PABPC3: variants seen among roughly 807,000 people sequenced by gnomAD.
The protein encoded by PABPC3 is polyadenylate-binding protein 3.
In PABPC3, 43 loss-of-function variants were observed where a neutral mutation model predicts 43.0. That is an observed-to-expected ratio of 1.00 (90% CI 0.78 to 1.29). The LOEUF is 1.29. PABPC3 is among the 50% of genes most tolerant of loss of function. The pLI is 0.00. For synonymous variants in PABPC3, 221 were observed against 274.6 expected, an observed-to-expected ratio of 0.80 and a Z score of 1.93; for missense variants, 784 against 798.1, an observed-to-expected ratio of 0.98 and a Z score of 0.21.
rs202007973 is a variant in PABPC3 at position 25,097,658 on chromosome 13, G to A, written c.1460G>A (p.Arg487His). ...ANTSTQTVGP[R>H]PAAAAAAAAT... Reference sequence around the variant, plus strand: ...ACATCAACACAGACAGTGGGTCCACGTCCTGCAGCTGCTGCTGCTGCTGCA... The same window carrying A: ...ACATCAACACAGACAGTGGGTCCACATCCTGCAGCTGCTGCTGCTGCTGCA... The change falls in exon 1 of 1, where the codon CGT (arginine) becomes CAT (histidine). Residue 487 changes from arginine (R) to histidine (H), a missense_variant. Transcript: ENST00000281589. 11 of 1,614,128 alleles carry A rather than the reference G, an allele frequency of 6.8e-6. No individual in the cohort carries two copies. Among genetic ancestry groups the A allele is most frequent in the Admixed American group, 1.7e-5 (1 of 60,024 alleles).
Position 25,096,306 on chromosome 13 carries a change from C to T in PABPC3, c.108C>T (p.Pro36=), listed in dbSNP as rs764988392. 6.2e-7 allele frequency: 1 copy of T among 1,614,152 alleles called. No homozygotes were observed. Among genetic ancestry groups the T allele is most frequent in the Non-Finnish European group, 8.5e-7 (1 of 1,180,062 alleles). Residue 36 remains proline (P), a synonymous_variant, in exon 1 of 1, where the codon CCC becomes CCT. Coordinates refer to ENST00000281589, the MANE Select transcript of PABPC3 (RefSeq NM_030979.3). ...MLYEKFSPAG[P]ILSIRICRDL... ...ACGAGAAGTTCAGCCCGGCAGGGCC[C>T]ATCCTCTCCATCCGGATCTGCAGGG...
Position 25,097,469 on chromosome 13 carries a change from G to A in PABPC3, c.1271G>A (p.Arg424Gln), listed in dbSNP as rs117378456. The change falls in exon 1 of 1, where the codon CGA becomes CAA. Residue 424 changes from arginine to glutamine, a missense_variant. Transcript: ENST00000281589. ...TACTATCCTCCTAGCCAAATTGCTCGACTAAGACCAAGTCCTCGCTGGACT... is the reference window on the plus strand; with the variant it reads ...TACTATCCTCCTAGCCAAATTGCTCAACTAAGACCAAGTCCTCGCTGGACT... Reference protein sequence around the residue: ...AAYYPPSQIARLRPSPRWTAQ... With the variant: ...AAYYPPSQIAQLRPSPRWTAQ... 6.0e-4 allele frequency: 794 copies of A among 1,324,976 alleles called. No individual in the cohort carries two copies. The highest frequency in any genetic ancestry group is 5.3e-3 in the African/African-American group (239 of 45,502). 82.1% of individuals were successfully genotyped at this position (1,324,976 alleles called of 1,614,324 possible).
At chr13:25,096,594 T>A in the PABPC3 span, 1 of 1,614,258 alleles carries the variant, frequency 6.2e-7, no homozygotes, top group Non-Finnish European at 8.5e-7. Flanking sequence ...ACGTGGTTTG[T>A]GATGAAAATG....
chr13:25,097,065 C>T lies in PABPC3; in HGVS notation c.867C>T (p.Thr289=), dbSNP rs1593653541. Reference sequence around the variant, plus strand: ...AACAGATGAAGCAAGATAGGATCACCAGATACCAGGTTGTTAATCTTTATG... The same window carrying T: ...AACAGATGAAGCAAGATAGGATCACTAGATACCAGGTTGTTAATCTTTATG... ...TFEQMKQDRI[T]RYQVVNLYVK... is the part of the protein sequence containing the mutation. The change falls in exon 1 of 1, where the codon ACC becomes ACT. Residue 289 remains threonine (T), a synonymous_variant. Coordinates refer to ENST00000281589, the MANE Select transcript of PABPC3 (RefSeq NM_030979.3). The T allele has an allele frequency of 1.2e-6, 2 of 1,614,268 alleles. No individual in the cohort carries two copies. The highest frequency in any genetic ancestry group is 1.7e-6 in the Non-Finnish European group (2 of 1,180,038).
rs554783078 is a variant in PABPC3 at position 25,096,809 on chromosome 13, A to T, written c.611A>T (p.Asp204Val). 1.9e-6 allele frequency: 3 copies of T among 1,614,296 alleles called. No homozygotes were observed. In the South Asian group the frequency reaches 3.3e-5, roughly 18 times the overall value. Residue 204 changes from aspartate to valine, a missense_variant, in exon 1 of 1, where the codon GAT becomes GTT. Asp to Val is a radical substitution (Grantham distance 152). Transcript: ENST00000281589. ...YIKNFGEDMDDERLKDLFGKF... is the reference protein window; with the variant it reads ...YIKNFGEDMDVERLKDLFGKF... ...AAGAATTTTGGAGAAGACATGGATG[A>T]TGAGCGCCTTAAGGATCTCTTTGGC... is the stretch of plus-strand genomic sequence containing the variant.
chr13:25,096,541 C>T lies in PABPC3; in HGVS notation c.343C>T (p.Leu115=), dbSNP rs1433205429. 3.7e-6 allele frequency: 6 copies of T among 1,614,118 alleles called. No homozygotes were observed. The East Asian group carries it at 1.1e-4, about 30-fold the overall frequency. The change falls in exon 1 of 1, where the codon CTG becomes TTG. Residue 115 remains leucine (L), a synonymous_variant. Coordinates refer to ENST00000281589, the MANE Select transcript of PABPC3 (RefSeq NM_030979.3). ...GGATAAGTCCATTAATAATAAAGCA[C>T]TGTATGATACAGTTTCTGCTTTTGG... The part of the protein sequence containing the change: ...NLDKSINNKA[L]YDTVSAFGNI...
Position 25,097,891 on chromosome 13 carries a change from A to G in PABPC3, c.1693A>G (p.Ile565Val), listed in dbSNP as rs770801115. ...QMLGERLFPL[I>V]QAMHPTLAGK... ...GTTAGGTGAACGGCTCTTTCCTCTT[A>G]TTCAAGCCATGCACCCTACTCTTGC... The change falls in exon 1 of 1, where the codon ATT becomes GTT. Residue 565 changes from isoleucine (I) to valine (V), a missense_variant. Physicochemically the swap from Ile to Val is conservative, Grantham distance 29. Coordinates refer to ENST00000281589, the MANE Select transcript of PABPC3 (RefSeq NM_030979.3). 1 of 1,613,960 alleles carries G rather than the reference A, an allele frequency of 6.2e-7. No homozygotes were observed. The highest frequency in any genetic ancestry group is 1.7e-5 in the Admixed American group (1 of 60,004).
Position 25,096,579 on chromosome 13 carries a change from G to T in PABPC3, c.381G>T (p.Ser127=). The T allele has an allele frequency of 6.6e-7, 1 of 1,521,454 alleles. No individual in the cohort carries two copies. The highest frequency in any genetic ancestry group is 8.9e-7 in the Non-Finnish European group (1 of 1,126,262). The allele number at this position is 1,521,454 out of a possible 1,614,324, so 94.2% of individuals were successfully genotyped here. A position where few individuals can be genotyped will look rare whatever the true frequency, so the allele number is the denominator to read the frequency against. The change falls in exon 1 of 1, where the codon TCG becomes TCT. Residue 127 remains serine, a synonymous_variant. Coordinates refer to ENST00000281589, the MANE Select transcript of PABPC3 (RefSeq NM_030979.3). ...DTVSAFGNIL[S]CNVVCDENGS... is the part of the protein sequence containing the mutation. ...TTTCTGCTTTTGGTAACATCCTTTC[G>T]TGTAACGTGGTTTGTGATGAAAATG...
Position 25,097,482 on chromosome 13 carries a change from T to C in PABPC3, c.1284T>C (p.Ser428=), listed in dbSNP as rs770425441. The change falls in exon 1 of 1, where the codon AGT becomes AGC. Residue 428 remains serine, a synonymous_variant. Coordinates refer to ENST00000281589, the MANE Select transcript of PABPC3 (RefSeq NM_030979.3). ...PPSQIARLRP[S]PRWTAQGARP... ...GCCAAATTGCTCGACTAAGACCAAG[T>C]CCTCGCTGGACTGCTCAGGGTGCCA... 2 of 1,614,250 alleles carry C rather than the reference T, an allele frequency of 1.2e-6. No individual in the cohort carries two copies. Among genetic ancestry groups the C allele is most frequent in the Non-Finnish European group, 1.7e-6 (2 of 1,180,048 alleles).
Position 25,098,096 on chromosome 13 carries a change from A to G in PABPC3, c.*2A>G, listed in dbSNP as rs557247833. 1.2e-6 allele frequency: 2 copies of G among 1,612,266 alleles called. No individual in the cohort carries two copies. Among genetic ancestry groups the G allele is most frequent in the East Asian group, 2.2e-5 (1 of 44,884 alleles). Reference sequence around the variant, plus strand: ...GCTACCGGTGTTCCAACTGTTTAAAATTGATCAGAGACCACGAAAAGAAAT... The same window carrying G: ...GCTACCGGTGTTCCAACTGTTTAAAGTTGATCAGAGACCACGAAAAGAAAT... On this transcript the variant is annotated 3_prime_UTR_variant, in exon 1 of 1. Transcript: ENST00000281589.
Position 25,097,306 on chromosome 13 carries a change from C to T in PABPC3, c.1108C>T (p.Arg370Cys), listed in dbSNP as rs373969238. The T allele has an allele frequency of 4.5e-5, 73 of 1,614,020 alleles. No homozygotes were observed. Among genetic ancestry groups the T allele is most frequent in the Middle Eastern group, 1.7e-4 (1 of 6,054 alleles). Residue 370 changes from arginine to cysteine, a missense_variant, in exon 1 of 1, where the codon CGC becomes TGC. By Grantham distance (180) the Arg-to-Cys change is radical. Transcript: ENST00000281589. ...TKPLYVALAQ[R>C]KEERQAYLTN... is the part of the protein sequence containing the mutation. ...GCCATTGTATGTAGCTTTAGCTCAG[C>T]GCAAAGAAGAGCGCCAGGCTTACCT...
the PABPC3 span, chr13:25,096,460 C>T: frequency 2.5e-6 from 4 of 1,614,108 alleles, no homozygotes; most frequent in Non-Finnish European, 3.4e-6. Context: ...CATGTGGTCT[C>T]AGCGTGATCC....
Position 25,096,995 on chromosome 13 carries a change from C to G in PABPC3, c.797C>G (p.Ala266Gly). 1 of 1,614,170 alleles carries G rather than the reference C, an allele frequency of 6.2e-7. No individual in the cohort carries two copies. Among genetic ancestry groups the G allele is most frequent in the South Asian group, 1.1e-5 (1 of 91,086 alleles). The change falls in exon 1 of 1, where the codon GCT becomes GGT. Residue 266 changes from alanine (A) to glycine (G), a missense_variant. Ala to Gly is a moderately conservative substitution (Grantham distance 60). Coordinates refer to ENST00000281589, the MANE Select transcript of PABPC3 (RefSeq NM_030979.3). ...GGAAAACAAATTTACGTTGGTCGAGCTCAGAAAAAAGTGGAACGGCAGACG... is the reference window on the plus strand; with the variant it reads ...GGAAAACAAATTTACGTTGGTCGAGGTCAGAAAAAAGTGGAACGGCAGACG... Reference protein sequence around the residue: ...LNGKQIYVGRAQKKVERQTEL... With the variant: ...LNGKQIYVGRGQKKVERQTEL...
Position 25,097,404 on chromosome 13 carries a change from C to T in PABPC3, c.1206C>T (p.Tyr402=). The change falls in exon 1 of 1, where the codon TAC becomes TAT. Residue 402 remains tyrosine, a synonymous_variant. Coordinates refer to ENST00000281589, the MANE Select transcript of PABPC3 (RefSeq NM_030979.3). ...VPNQRAPPSG[Y]FMTAVPQTQN... ...ACCAGCGAGCACCTCCTTCAGGTTA[C>T]TTCATGACAGCTGTCCCACAGACTC... 1 of 1,614,132 alleles carries T rather than the reference C, an allele frequency of 6.2e-7. No individual in the cohort carries two copies. The highest frequency in any genetic ancestry group is 8.5e-7 in the Non-Finnish European group (1 of 1,180,032).
At position 25,097,124 on chromosome 13, in the gene PABPC3, G is replaced by T. The variant is rs554723791; in HGVS notation, c.926G>T (p.Arg309Leu). ...KNLDDGIDDERLRKAFSPFGT... is the reference protein window; with the variant it reads ...KNLDDGIDDELLRKAFSPFGT... ...CTTGATGATGGTATTGATGATGAACGTCTCCGGAAAGCGTTTTCTCCATTT... is the reference window on the plus strand; with the variant it reads ...CTTGATGATGGTATTGATGATGAACTTCTCCGGAAAGCGTTTTCTCCATTT... Residue 309 changes from arginine to leucine, a missense_variant, in exon 1 of 1, where the codon CGT (arginine) becomes CTT (leucine). Transcript: ENST00000281589. 6 of 1,614,160 alleles carry T rather than the reference G, an allele frequency of 3.7e-6. No individual in the cohort carries two copies.
At position 25,097,746 on chromosome 13, in the gene PABPC3, G is replaced by C; in HGVS notation, c.1548G>C (p.Gln516His). ...YKYAAGVRNP[Q>H]QHRNAQPQVT... ...ATGCTGCGGGAGTTCGCAATCCTCA[G>C]CAACATCGTAATGCACAGCCACAAG... The change falls in exon 1 of 1, where the codon CAG becomes CAC. Residue 516 changes from glutamine to histidine, a missense_variant. Coordinates refer to ENST00000281589, the MANE Select transcript of PABPC3 (RefSeq NM_030979.3). 1 of 1,614,130 alleles carries C rather than the reference G, an allele frequency of 6.2e-7. No individual in the cohort carries two copies. The highest frequency in any genetic ancestry group is 8.5e-7 in the Non-Finnish European group (1 of 1,180,032).
rs901452747 is a variant in PABPC3 at position 25,098,910 on chromosome 13, G to C, written c.*816G>C. On this transcript the variant is annotated 3_prime_UTR_variant, in exon 1 of 1. Coordinates refer to ENST00000281589, the MANE Select transcript of PABPC3 (RefSeq NM_030979.3). ...TTAATCATTTGGTTTTAGTGTTTCT[G>C]GTAGTTGATTTTCTTCAATAATAAT... 6.0e-6 allele frequency: 1 copy of C among 166,652 alleles called. No individual in the cohort carries two copies. Among genetic ancestry groups the C allele is most frequent in the Non-Finnish European group, 1.5e-5 (1 of 68,002 alleles). The allele number at this position is 166,652 out of a possible 1,614,324, so 10.3% of individuals were successfully genotyped here.
chr13:25,098,443 T>C lies in PABPC3; in HGVS notation c.*349T>C, dbSNP rs970859406. The C allele has an allele frequency of 1.8e-5, 4 of 226,318 alleles. No individual in the cohort carries two copies. Among genetic ancestry groups the C allele is most frequent in the Admixed American group, 5.4e-5 (1 of 18,600 alleles). The allele number at this position is 226,318 out of a possible 1,614,324, so 14.0% of individuals were successfully genotyped here. A position where few individuals can be genotyped will look rare whatever the true frequency, so the allele number is the denominator to read the frequency against. Reference sequence around the variant, plus strand: ...TTAAAGCATTCCTTTAATTTTTTAATTCTTTACTGTGGAATAGCTCAAAAT... The same window carrying C: ...TTAAAGCATTCCTTTAATTTTTTAACTCTTTACTGTGGAATAGCTCAAAAT... On this transcript the variant is annotated 3_prime_UTR_variant, in exon 1 of 1. Coordinates refer to ENST00000281589, the MANE Select transcript of PABPC3 (RefSeq NM_030979.3).
At position 25,097,603 on chromosome 13, in the gene PABPC3, C is replaced by A. The variant is rs1275142183; in HGVS notation, c.1405C>A (p.Arg469=). ...TMRPASSQVP[R]VMSTQRVANT... is the part of the protein sequence containing the mutation. ...GAGACCAGCTTCTTCACAGGTTCCA[C>A]GAGTCATGTCAACGCAGCGTGTTGC... The change falls in exon 1 of 1, where the codon CGA becomes AGA. Residue 469 remains arginine, a synonymous_variant. Transcript: ENST00000281589. The A allele has an allele frequency of 6.2e-6, 10 of 1,614,120 alleles. No homozygotes were observed. The highest frequency in any genetic ancestry group is 1.1e-5 in the South Asian group (1 of 91,094).
Sources: allele counts gnomAD v4.1 joint callset, GRCh38; gene constraint gnomAD v4.1.1; transcripts MANE v1.5; gene names NCBI Gene and HGNC (gene_info 2026-07-23, HGNC 2026-07-21).